NCOA3: variants seen among roughly 807,000 people sequenced by gnomAD.
NCOA3 encodes the protein CBP-interacting protein.
A neutral mutation model predicts 158.8 loss-of-function variants in NCOA3; 51 were observed. The ratio of observed to expected loss-of-function variants is 0.32; its 90% CI spans 0.26 to 0.41. NCOA3 has a LOEUF of 0.41. Among genes scored for constraint, NCOA3 ranks in the 10% least tolerant of loss-of-function variants. The pLI, the probability that NCOA3 is intolerant of heterozygous loss-of-function variation, is 1.00. For synonymous variants in NCOA3, 537 were observed against 592.4 expected, an observed-to-expected ratio of 0.91 and a Z score of 1.36; for missense variants, 1,510 against 1,746.6, an observed-to-expected ratio of 0.86 and a Z score of 2.41.
At chr20:47,594,766 G>C (rs1229292038) in intron 2 of NCOA3, among the ~76,000 whole-genome samples, 1 of 149,876 alleles carries the variant, frequency 6.7e-6, no homozygotes, top group African/African-American at 2.4e-5. Context: ...ACTTTGGAAG[G>C]CTGAGGTGGG....
intron 6 of NCOA3, 74 bp downstream of exon 6, chr20:47,627,250 T>C: frequency 8.0e-7 from 1 of 1,253,506 alleles, no homozygotes; most frequent in East Asian, 2.4e-5. Flanking sequence ...ATTGAATGTA[T>C]CTTTTAGGAA....
chr20:47,555,941 CTT>C (rs36094546), intron 1 of NCOA3, among the ~76,000 whole-genome samples: 4 of 128,536 alleles, frequency 3.1e-5, no homozygotes, highest in African/African-American at 2.9e-5. Flanking sequence ...TGCACCCAGC[CTT>C]TTTTTTTTTT....
At chr20:47,595,391 C>T (rs778874428) in intron 2 of NCOA3, among the ~76,000 whole-genome samples, 6 of 152,204 alleles carry the variant, frequency 3.9e-5, no homozygotes, top group African/African-American at 7.2e-5. Context: ...TGAGCCACCA[C>T]GCCTGGCCTT....
intron 1 of NCOA3, among the ~76,000 whole-genome samples, chr20:47,534,110 G>T (rs376424555): frequency 5.9e-5 from 9 of 151,440 alleles, no homozygotes; most frequent in Admixed American, 5.3e-4. Context: ...GTTTCAGTGG[G>T]GGGGGCGGGG....
At position 47,640,054 on chromosome 20, in the gene NCOA3, G is replaced by C. The variant is rs1174273515; in HGVS notation, c.3080+3G>C. On this transcript the variant is annotated splice_donor_region_variant and intron_variant, in intron 16 of 22. Transcript: ENST00000371998. ...GTTTCTCATGGCACTCAAAATAGGT[G>C]GGGTGTTATTTTGTGACTCTGTAGA... 2 of 1,614,002 alleles carry C rather than the reference G, an allele frequency of 1.2e-6. No individual in the cohort carries two copies. Among genetic ancestry groups the C allele is most frequent in the African/African-American group, 1.3e-5 (1 of 74,928 alleles).
At chr20:47,603,756 G>T (rs2085901556) in intron 2 of NCOA3, among the ~76,000 whole-genome samples, 1 of 152,208 alleles carries the variant, frequency 6.6e-6, no homozygotes, top group Non-Finnish European at 1.5e-5. Context: ...AACTCCTCTT[G>T]GTGTTCAGAT....
intron 2 of NCOA3, among the ~76,000 whole-genome samples, chr20:47,587,059 G>A (rs2085547378): frequency 6.6e-6 from 1 of 152,120 alleles, no homozygotes; most frequent in South Asian, 2.1e-4. Flanking sequence ...ATTGACTCTT[G>A]TCTGATCCAG....
intron 11 of NCOA3, 52 bp from the exon 12 acceptor site, chr20:47,635,839 G>A: frequency 6.5e-7 from 1 of 1,526,866 alleles, no homozygotes; most frequent in Non-Finnish European, 8.8e-7. Flanking sequence ...GTTGTATTTT[G>A]TTACAGTGTC....
intron 1 of NCOA3, among the ~76,000 whole-genome samples, chr20:47,572,783 C>T (rs1019391078): frequency 2.6e-5 from 4 of 151,922 alleles, no homozygotes; most frequent in African/African-American, 7.3e-5. Flanking sequence ...GTCATCTGCC[C>T]GGCTCAGCCT....
In NCOA3 at chr20:47,653,586, C is replaced by A. The variant is rs773241577; in HGVS notation, c.*169C>A. 22 of 777,916 alleles carry A rather than the reference C, an allele frequency of 2.8e-5. No homozygotes were observed. Among genetic ancestry groups the A allele is most frequent in the Non-Finnish European group, 4.7e-5 (22 of 470,616 alleles). The allele number at this position is 777,916 out of a possible 1,614,324, so 48.2% of individuals were successfully genotyped here. On this transcript the variant is annotated 3_prime_UTR_variant, in exon 23 of 23. Coordinates refer to ENST00000371998, the MANE Select transcript of NCOA3 (RefSeq NM_181659.3). Reference sequence around the variant, plus strand: ...CATTTGAGCAGGACTGGATTTTAAGCCGAAGGGCAATATCTACGTGTTTTT... The same window carrying A: ...CATTTGAGCAGGACTGGATTTTAAGACGAAGGGCAATATCTACGTGTTTTT...
At chr20:47,548,056 G>A (rs1030901425) in intron 1 of NCOA3, among the ~76,000 whole-genome samples, 14 of 151,672 alleles carry the variant, frequency 9.2e-5, no homozygotes, top group Non-Finnish European at 1.9e-4. Flanking sequence ...TTAGCTTCCC[G>A]TCTCTTTAGG....
intron 1 of NCOA3, among the ~76,000 whole-genome samples, chr20:47,528,624 T>C (rs2084495875): frequency 6.6e-6 from 1 of 152,340 alleles, no homozygotes; most frequent in Non-Finnish European, 1.5e-5. Context: ...TATGCGTAAC[T>C]GTTCTACTGA....
intron 2 of NCOA3, among the ~76,000 whole-genome samples, chr20:47,595,902 G>C (rs906549886): frequency 2.0e-5 from 3 of 152,076 alleles, no homozygotes; most frequent in Non-Finnish European, 4.4e-5. Context: ...TTAAATGGGA[G>C]TAATAAGTGG....
chr20:47,522,913 C>G (rs3091525), intron 1 of NCOA3, among the ~76,000 whole-genome samples: 23,148 of 151,118 alleles, frequency 0.15, 2,800 homozygotes, highest in African/African-American at 0.32. Context: ...AAAACGAGCC[C>G]GGCGCGGTGG....
intron 1 of NCOA3, among the ~76,000 whole-genome samples, chr20:47,503,458 C>A (rs1243755976): frequency 6.6e-6 from 1 of 152,192 alleles, no homozygotes; most frequent in Non-Finnish European, 1.5e-5. Context: ...CCAAACCCTA[C>A]AGTTTCCCCT....
At chr20:47,516,152 C>A (rs181207132) in intron 1 of NCOA3, among the ~76,000 whole-genome samples, 2 of 152,054 alleles carry the variant, frequency 1.3e-5, no homozygotes, top group African/African-American at 2.4e-5. Context: ...ATAAAATGCA[C>A]GATACCAGGA....
intron 1 of NCOA3, among the ~76,000 whole-genome samples, chr20:47,575,763 C>G (rs898153193): frequency 1.3e-5 from 2 of 152,142 alleles, no homozygotes; most frequent in African/African-American, 4.8e-5. Context: ...ATTCAACTAC[C>G]TATTGTGTCA....
At chr20:47,637,935 C>A in intron 13 of NCOA3, 152 bp downstream of exon 13, 2 of 697,720 alleles carry the variant, frequency 2.9e-6, no homozygotes, top group Non-Finnish European at 2.1e-6. Context: ...TTTATATGTG[C>A]TTTAGAAAGC....
At chr20:47,534,565 A>G (rs1048494431) in intron 1 of NCOA3, among the ~76,000 whole-genome samples, 2 of 152,196 alleles carry the variant, frequency 1.3e-5, no homozygotes, top group African/African-American at 2.4e-5. Context: ...AGAATAAGAT[A>G]TGAAAAAACC....
Sources: allele counts gnomAD v4.1 joint callset (sites outside exome capture counted in the v4.1 genomes callset), GRCh38; gene constraint gnomAD v4.1.1; transcripts MANE v1.5; gene names NCBI Gene and HGNC (gene_info 2026-07-23, HGNC 2026-07-21).